ITK: variants seen among roughly 807,000 people sequenced by gnomAD.
The protein encoded by ITK is IL2 inducible T cell kinase.
A neutral mutation model predicts 87.6 loss-of-function variants in ITK; 45 were observed. The observed-to-expected ratio is 0.51, with a 90% CI of 0.40 to 0.66. ITK has a LOEUF of 0.66. ITK is among the 30% of genes least tolerant of loss of function. The pLI is 0.00. For synonymous variants in ITK, 303 were observed against 273.6 expected (o/e 1.11, Z -1.06); for missense variants, 605 against 766.3 (o/e 0.79, Z 2.48).
At chr5:157,199,189 A>C (rs542246901) in intron 1 of ITK, 1 of 152,346 alleles carries the variant, frequency 6.6e-6, no homozygotes, top group South Asian at 2.1e-4. Flanking sequence ...CTCAGGTTGC[A>C]CAGCTGATAA....
chr5:157,184,452 G>A (rs1753602056), intron 1 of ITK, among the ~76,000 whole-genome samples: 2 of 152,156 alleles, frequency 1.3e-5, no homozygotes, highest in Non-Finnish European at 2.9e-5. Flanking sequence ...TGGAGAGGTA[G>A]CCACCAACTA....
At chr5:157,242,296 C>T (rs947171596) in intron 11 of ITK, among the ~76,000 whole-genome samples, 2 of 152,160 alleles carry the variant, frequency 1.3e-5, no homozygotes, top group Admixed American at 6.5e-5. Context: ...GCTTTGCATC[C>T]CTTGGTCCCA....
At chr5:157,221,879 A>G (rs1458745714) in intron 5 of ITK, among the ~76,000 whole-genome samples, 1 of 152,142 alleles carries the variant, frequency 6.6e-6, no homozygotes, top group Non-Finnish European at 1.5e-5. Flanking sequence ...AGCCGGGCAC[A>G]GTGGCTCATT....
intron 1 of ITK, among the ~76,000 whole-genome samples, chr5:157,192,784 A>G (rs2113740792): frequency 1.3e-5 from 2 of 152,294 alleles, no homozygotes; most frequent in East Asian, 3.9e-4. Flanking sequence ...TTATCTTCCA[A>G]CTCTGTGACC....
chr5:157,241,510 G>A (rs1754897878), intron 10 of ITK, 136 bp from the exon 11 acceptor site: 2 of 703,960 alleles, frequency 2.8e-6, no homozygotes, highest in Non-Finnish European at 5.2e-6. Flanking sequence ...TCAATAATTA[G>A]GCTTTGGGAT....
chr5:157,200,489 A>G (rs1753943499), intron 1 of ITK, among the ~76,000 whole-genome samples: 1 of 152,198 alleles, frequency 6.6e-6, no homozygotes, highest in Non-Finnish European at 1.5e-5. Flanking sequence ...ACCCTTTCCC[A>G]GAGACTGAAC....
Position 157,239,136 on chromosome 5 carries a change from C to CAT in ITK, c.852-925_852-924insTA, listed in dbSNP as rs555827626. ...CAGGTATGACGGAGAAGGGATGAAA[C>CAT]AAAGTCTGTGTCGAGGCTCCCCACA... On this transcript the variant is annotated intron_variant, in intron 9 of 16. Transcript: ENST00000422843. Among the ~76,000 whole-genome samples the CAT allele has an allele frequency of 7.0e-3, 1,062 of 152,250 alleles. 14 individuals carry two copies. Among genetic ancestry groups the CAT allele is most frequent in the African/African-American group, 0.024 (1,000 of 41,536 alleles).
intron 14 of ITK, 30 bp downstream of exon 14, chr5:157,245,820 C>T (rs774161300): frequency 6.2e-7 from 1 of 1,612,262 alleles, no homozygotes; most frequent in Non-Finnish European, 8.5e-7. Context: ...CCGGTGAAGT[C>T]TCAGGAATGG....
chr5:157,211,999 G>A (rs1754200723), intron 3 of ITK, among the ~76,000 whole-genome samples: 1 of 152,200 alleles, frequency 6.6e-6, no homozygotes, highest in South Asian at 2.1e-4. Flanking sequence ...TATTTCTTAA[G>A]CCTTACCTTC....
chr5:157,208,382 G>C (rs1754122466), intron 1 of ITK, among the ~76,000 whole-genome samples: 1 of 152,108 alleles, frequency 6.6e-6, no homozygotes, highest in Non-Finnish European at 1.5e-5. Flanking sequence ...TCAGAGTCAG[G>C]AATGTCCTTT....
chr5:157,207,420 G>T (rs927498267), intron 1 of ITK, among the ~76,000 whole-genome samples: 2 of 94,192 alleles, frequency 2.1e-5, no homozygotes, highest in East Asian at 3.7e-4. Flanking sequence ...TTGCTCTGTC[G>T]CCCAGGCTGG....
intron 5 of ITK, among the ~76,000 whole-genome samples, chr5:157,220,522 G>A (rs1183380361): frequency 2.0e-5 from 3 of 152,128 alleles, no homozygotes; most frequent in East Asian, 1.9e-4. Flanking sequence ...CCTCAGCCCC[G>A]TGGAGCTCTT....
rs201567966 is a variant in ITK at position 157,228,322 on chromosome 5, A to G, written c.674A>G (p.Tyr225Cys). The G allele has an allele frequency of 8.1e-6, 13 of 1,606,500 alleles. No individual in the cohort carries two copies. The highest frequency in any genetic ancestry group is 1.7e-5 in the Admixed American group (1 of 59,990). The change falls in exon 7 of 17, where the codon TAT (tyrosine) becomes TGT (cysteine). Residue 225 changes from tyrosine (Y) to cysteine (C), a missense_variant. Tyr to Cys is a radical substitution (Grantham distance 194, BLOSUM62 -2). This residue lies in a region of ITK where 464 missense variants were observed against 578.0 expected (regional missense o/e 0.80). Transcript: ENST00000422843. ...CATGAAGGATATGTACCAAGCAGTT[A>G]TCTGGTGGAAAAATCTCCAAATAAT... is the stretch of plus-strand genomic sequence containing the variant. ...NGHEGYVPSS[Y>C]LVEKSPNNLE...
intron 12 of ITK, chr5:157,243,995 T>G (rs543305620): frequency 3.0e-6 from 2 of 675,672 alleles, no homozygotes; most frequent in African/African-American, 3.5e-5. Flanking sequence ...CACCTCCCCC[T>G]TCTCAGCTCC....
Position 157,209,007 on chromosome 5 carries a change from G to C in ITK, c.243+14G>C. The C allele has an allele frequency of 6.5e-7, 1 of 1,538,450 alleles. No individual in the cohort carries two copies. Among genetic ancestry groups the C allele is most frequent in the Non-Finnish European group, 9.0e-7 (1 of 1,111,014 alleles). ...TACCCGTTTCAGGTAAGTCCATCAG[G>C]TGGGTAGTTCCCCATTCCCTGGACT... On this transcript the variant is annotated intron_variant, in intron 2 of 16. Coordinates refer to ENST00000422843, the MANE Select transcript of ITK (RefSeq NM_005546.4).
At chr5:157,185,109 T>C in intron 1 of ITK, among the ~76,000 whole-genome samples, 1 of 152,188 alleles carries the variant, frequency 6.6e-6, no homozygotes, top group East Asian at 1.9e-4. Flanking sequence ...TCCTTGCTTT[T>C]GAAAGCATTA....
In ITK at chr5:157,206,032, G is replaced by A. The variant is rs1754073293; in HGVS notation, c.139-2857G>A. Among the ~76,000 whole-genome samples the A allele has an allele frequency of 3.5e-5, 5 of 141,316 alleles. No individual in the cohort carries two copies. In the South Asian group the frequency reaches 1.1e-3, roughly 31 times the overall value. The allele number at this position is 141,316 out of a possible 152,430, so 92.7% of individuals were successfully genotyped here. A position where few individuals can be genotyped will look rare whatever the true frequency, so the allele number is the denominator to read the frequency against. ...GCTCTGTCACCTATGCTGGAGTGCA[G>A]TGTCATGATCTTGGCTCACTGCAAC... is the stretch of plus-strand genomic sequence containing the variant. On this transcript the variant is annotated intron_variant, in intron 1 of 16. Transcript: ENST00000422843.
Position 157,217,854 on chromosome 5 carries a change from T to C in ITK, c.455-13T>C. On this transcript the variant is annotated splice_polypyrimidine_tract_variant and intron_variant, in intron 4 of 16. Coordinates refer to ENST00000422843, the MANE Select transcript of ITK (RefSeq NM_005546.4). ...CATGCTCATTTTTTCTTTTCCTGTTTTTCTCTTTTCAGCTTCAAAGAAGCC... is the reference window on the plus strand; with the variant it reads ...CATGCTCATTTTTTCTTTTCCTGTTCTTCTCTTTTCAGCTTCAAAGAAGCC... The C allele has an allele frequency of 6.2e-7, 1 of 1,613,450 alleles. No homozygotes were observed. The highest frequency in any genetic ancestry group is 8.5e-7 in the Non-Finnish European group (1 of 1,179,410).
chr5:157,223,375 C>T (rs1754465270), intron 6 of ITK, among the ~76,000 whole-genome samples: 1 of 151,950 alleles, frequency 6.6e-6, no homozygotes, highest in African/African-American at 2.4e-5. Context: ...GCTGAAGGTA[C>T]ATCCCATTAG....
Sources: allele counts gnomAD v4.1 joint callset (sites outside exome capture counted in the v4.1 genomes callset), GRCh38; gene constraint gnomAD v4.1.1; regional missense constraint gnomAD v4.1.1; transcripts MANE v1.5; gene names NCBI Gene and HGNC (gene_info 2026-07-23, HGNC 2026-07-21).